PCNX1: variants seen among roughly 807,000 people sequenced by gnomAD.
The protein encoded by PCNX1 is pecanex 1.
PCNX1 carries 78 observed loss-of-function variants against 242.2 expected under a neutral mutation model. The observed-to-expected ratio is 0.32, with a 90% confidence interval of 0.27 to 0.39. The LOEUF (loss-of-function observed/expected upper bound fraction) is 0.39. Among genes scored for constraint, PCNX1 ranks in the 10% least tolerant of loss-of-function variants. The pLI, the probability that PCNX1 is intolerant of heterozygous loss-of-function variation, is 1.00. For synonymous variants in PCNX1, 1,024 were observed against 1,032.9 expected (o/e 0.99, Z 0.17); for missense variants, 2,581 against 2,856.5 (o/e 0.90, Z 2.20).
chr14:71,035,590 T>A (rs944232016), intron 18 of PCNX1, among the ~76,000 whole-genome samples: 1 of 148,190 alleles, frequency 6.7e-6, no homozygotes, highest in African/African-American at 2.5e-5. Flanking sequence ...TGAAACCCTG[T>A]CTCTACTAAA....
chr14:71,073,516 C>G (rs907352774), intron 26 of PCNX1, 29 bp from the exon 27 acceptor site: 3 of 1,560,792 alleles, frequency 1.9e-6, no homozygotes, highest in African/African-American at 1.4e-5. Context: ...GGTTTTCCCC[C>G]TTTGTAAAGC....
chr14:71,010,009 C>T (rs762091754), intron 9 of PCNX1: 2 of 256,828 alleles, frequency 7.8e-6, no homozygotes, highest in Non-Finnish European at 1.5e-5. Flanking sequence ...TTCAAGTATA[C>T]AGTATGTTGT....
At chr14:70,932,965 A>G (rs2056863129) in intron 1 of PCNX1, among the ~76,000 whole-genome samples, 1 of 152,150 alleles carries the variant, frequency 6.6e-6, no homozygotes, top group Non-Finnish European at 1.5e-5. Flanking sequence ...TGCATTTTTT[A>G]CAATAATCCT....
chr14:71,025,970 A>G (rs2060233519), intron 13 of PCNX1, 147 bp from the exon 14 acceptor site: 1 of 470,422 alleles, frequency 2.1e-6, no homozygotes, highest in Non-Finnish European at 3.8e-6. Flanking sequence ...TCCTTTCTAT[A>G]TTTGTTAATC....
chr14:71,073,520 G>A (rs1430764053), intron 26 of PCNX1, 25 bp from the exon 27 acceptor site: 1 of 1,563,922 alleles, frequency 6.4e-7, no homozygotes, highest in African/African-American at 1.4e-5. Context: ...TTCCCCCTTT[G>A]TAAAGCTCTC....
At chr14:71,098,474 T>G (rs1019542286) in intron 30 of PCNX1, among the ~76,000 whole-genome samples, 5 of 151,830 alleles carry the variant, frequency 3.3e-5, no homozygotes, top group African/African-American at 1.2e-4. Context: ...TAGTTCTCTT[T>G]GTAGAGATCT....
chr14:71,021,357 G>T (rs1372428108), intron 12 of PCNX1, among the ~76,000 whole-genome samples: 3 of 152,098 alleles, frequency 2.0e-5, no homozygotes, highest in African/African-American at 4.8e-5. Flanking sequence ...GGGCAGTATG[G>T]CCATTTTCAC....
intron 1 of PCNX1, among the ~76,000 whole-genome samples, chr14:70,942,340 T>C (rs2057286843): frequency 1.3e-5 from 2 of 152,248 alleles, no homozygotes; most frequent in Admixed American, 1.3e-4. Context: ...AAAGACCTTA[T>C]CAAATTGCAC....
At chr14:71,078,224 A>G (rs1448912756) in intron 28 of PCNX1, among the ~76,000 whole-genome samples, 1 of 152,124 alleles carries the variant, frequency 6.6e-6, no homozygotes, top group Non-Finnish European at 1.5e-5. Context: ...TTCTCTTTTA[A>G]GTTGAACAAG....
At chr14:70,915,900 G>A (rs888698566) in intron 1 of PCNX1, among the ~76,000 whole-genome samples, 7 of 152,114 alleles carry the variant, frequency 4.6e-5, no homozygotes, top group East Asian at 3.9e-4. Flanking sequence ...TGTGTTAAAG[G>A]ATTATCCTCA....
Position 71,016,538 on chromosome 14 carries a change from C to G in PCNX1, c.2997-2471C>G, listed in dbSNP as rs1025650958. Among the ~76,000 whole-genome samples, 6 of 152,200 alleles carry G rather than the reference C, an allele frequency of 3.9e-5. No homozygotes were observed. In the East Asian group the frequency reaches 1.2e-3, roughly 29 times the overall value. On this transcript the variant is annotated intron_variant, in intron 11 of 35. Transcript: ENST00000304743. ...ATTAAATTTTAAAAGGTCCACTATC[C>G]AATCATACATAGTGAATTAAATGGT...
At chr14:71,073,215 C>G (rs577952020) in intron 26 of PCNX1, among the ~76,000 whole-genome samples, 2 of 152,122 alleles carry the variant, frequency 1.3e-5, no homozygotes, top group Admixed American at 1.3e-4. Context: ...TTACTTGAAC[C>G]GGGACCCAGG....
chr14:71,002,343 ATTTTC>A (rs559743204), intron 8 of PCNX1, among the ~76,000 whole-genome samples: 2,607 of 152,226 alleles, frequency 0.017, 30 homozygotes, highest in Non-Finnish European at 0.028. Context: ...GTCAGTCTTT[ATTTTC>A]TTGTTTCTTC....
chr14:70,988,187 A>G (rs2059054653), intron 6 of PCNX1, among the ~76,000 whole-genome samples: 1 of 152,198 alleles, frequency 6.6e-6, no homozygotes, highest in African/African-American at 2.4e-5. Context: ...ATTAGTGGAA[A>G]CTAATCAATA....
At chr14:71,058,317 C>T (rs2061236904) in intron 26 of PCNX1, among the ~76,000 whole-genome samples, 1 of 152,180 alleles carries the variant, frequency 6.6e-6, no homozygotes, top group Admixed American at 6.5e-5. Context: ...ACTGGCCATT[C>T]TCCTTTCCAT....
chr14:70,964,819 T>A (rs1260395596), intron 3 of PCNX1, among the ~76,000 whole-genome samples: 4 of 152,196 alleles, frequency 2.6e-5, no homozygotes, highest in African/African-American at 9.6e-5. Context: ...TTAATAAAAA[T>A]GGGCAAATAT....
At chr14:71,017,799 G>A (rs917624966) in intron 11 of PCNX1, among the ~76,000 whole-genome samples, 2 of 152,142 alleles carry the variant, frequency 1.3e-5, no homozygotes, top group Non-Finnish European at 2.9e-5. Context: ...AAATCAAATG[G>A]AAATGCCAGT....
chr14:70,947,942 G>T (rs1425524911), intron 2 of PCNX1, among the ~76,000 whole-genome samples: 1 of 152,202 alleles, frequency 6.6e-6, no homozygotes, highest in Non-Finnish European at 1.5e-5. Context: ...GTCTTACGCA[G>T]TTGTGGATAG....
chr14:70,916,729 CA>C (rs1430291238), intron 1 of PCNX1, among the ~76,000 whole-genome samples: 2 of 152,024 alleles, frequency 1.3e-5, no homozygotes, highest in African/African-American at 4.8e-5. Context: ...GTTGACAGAC[CA>C]GGGGGTGACT....
Sources: gnomAD v4.1 joint callset for allele counts (sites outside exome capture counted in the v4.1 genomes callset) on GRCh38, gnomAD v4.1.1 for gene constraint, MANE v1.5 for transcripts, NCBI Gene and HGNC (gene_info 2026-07-23, HGNC 2026-07-21) for gene names.